ZNF277: variants seen among roughly 807,000 people sequenced by gnomAD.
ZNF277 encodes zinc finger protein 277.
Under a neutral mutation model 60.7 loss-of-function variants are expected in ZNF277, and 55 were observed. The observed-to-expected ratio is 0.91, with a 90% CI of 0.73 to 1.13. The LOEUF (loss-of-function observed/expected upper bound fraction) is 1.13, where lower values mean the gene tolerates loss of function less well. Among genes scored for constraint, ZNF277 ranks in the 50% most tolerant of loss-of-function variants. The pLI, the probability that ZNF277 is intolerant of heterozygous loss-of-function variation, is 0.00. For missense variants in ZNF277, 510 were observed against 523.0 expected, an observed-to-expected ratio of 0.98 and a Z score of 0.24; for synonymous variants, 178 against 179.3, an observed-to-expected ratio of 0.99 and a Z score of 0.06.
chr7:112,336,664 T>C (rs946702902), intron 8 of ZNF277, among the ~76,000 whole-genome samples: 7 of 152,328 alleles, frequency 4.6e-5, no homozygotes, highest in Admixed American at 2.0e-4. Context: ...TCATCTTCTT[T>C]TCAGTCAAAG....
chr7:112,323,724 G>C (rs1168210552), intron 5 of ZNF277, among the ~76,000 whole-genome samples: 1 of 152,100 alleles, frequency 6.6e-6, no homozygotes, highest in African/African-American at 2.4e-5. Context: ...AGTTGATTTC[G>C]ACCATTTTCA....
At chr7:112,208,448 C>A (rs1587072675) in intron 1 of ZNF277, among the ~76,000 whole-genome samples, 2 of 151,766 alleles carry the variant, frequency 1.3e-5, no homozygotes, top group South Asian at 2.1e-4. Flanking sequence ...TTAAATTTTA[C>A]AAGTTTAAAA....
chr7:112,227,712 T>C (rs535705048), intron 1 of ZNF277, among the ~76,000 whole-genome samples: 9 of 152,286 alleles, frequency 5.9e-5, no homozygotes, highest in African/African-American at 2.2e-4. Context: ...ATATATATAA[T>C]TTCTCTTGTA....
intron 1 of ZNF277, among the ~76,000 whole-genome samples, chr7:112,236,507 A>T (rs1790788823): frequency 6.6e-6 from 1 of 152,106 alleles, no homozygotes; most frequent in South Asian, 2.1e-4. Flanking sequence ...CCCTCCTTTC[A>T]TCTTATTATA....
intron 5 of ZNF277, among the ~76,000 whole-genome samples, chr7:112,322,625 T>G (rs551364201): frequency 6.6e-6 from 1 of 152,202 alleles, no homozygotes; most frequent in African/African-American, 2.4e-5. Flanking sequence ...ATAATTTCCT[T>G]TGATTCTTTA....
At chr7:112,249,553 T>C (rs1791156982) in intron 1 of ZNF277, among the ~76,000 whole-genome samples, 1 of 152,072 alleles carries the variant, frequency 6.6e-6, no homozygotes, top group Non-Finnish European at 1.5e-5. Flanking sequence ...ACCTGGATGA[T>C]GTGTTCAAGC....
intron 2 of ZNF277, chr7:112,288,622 G>A (rs939384253): frequency 9.2e-5 from 14 of 152,652 alleles, no homozygotes; most frequent in African/African-American, 2.7e-4. Flanking sequence ...AACAAAGTAT[G>A]GAATGTGAGG....
chr7:112,318,309 T>C, intron 5 of ZNF277, 36 bp downstream of exon 5: 2 of 1,563,454 alleles, frequency 1.3e-6, no homozygotes, highest in Non-Finnish European at 1.8e-6. Context: ...TTACTGTTTT[T>C]AATCTGAAAA....
intron 1 of ZNF277, among the ~76,000 whole-genome samples, chr7:112,208,199 A>ACCC (rs1365581941): frequency 6.6e-6 from 1 of 151,420 alleles, no homozygotes; most frequent in Non-Finnish European, 1.5e-5. Context: ...ATATGGTGAA[A>ACCC]CCCCGTCTCT....
intron 1 of ZNF277, among the ~76,000 whole-genome samples, chr7:112,217,237 C>T (rs1587082566): frequency 6.6e-6 from 1 of 152,124 alleles, no homozygotes; most frequent in African/African-American, 2.4e-5. Context: ...ACAGGTGGTA[C>T]TGGGCCTTGA....
chr7:112,277,077 A>AT (rs59902516), intron 1 of ZNF277, among the ~76,000 whole-genome samples: 2,511 of 104,368 alleles, frequency 0.024, 70 homozygotes, highest in Middle Eastern at 0.05. Context: ...GAATCTGTTG[A>AT]TTTTTTTTTT....
intron 3 of ZNF277, 128 bp from the exon 4 acceptor site, chr7:112,296,101 G>A: frequency 1.0e-6 from 1 of 999,456 alleles, no homozygotes. Context: ...CTTGAATAAA[G>A]CTAAAACAGT....
chr7:112,251,586 T>A (rs1791201125), intron 1 of ZNF277, among the ~76,000 whole-genome samples: 1 of 152,194 alleles, frequency 6.6e-6, no homozygotes, highest in Non-Finnish European at 1.5e-5. Flanking sequence ...TGGGGAAGGA[T>A]TCTAGATAGA....
intron 1 of ZNF277, among the ~76,000 whole-genome samples, chr7:112,221,548 T>G (rs1003273431): frequency 1.3e-5 from 2 of 152,194 alleles, no homozygotes; most frequent in Admixed American, 1.3e-4. Context: ...ATTTCTATTA[T>G]TATTAATATT....
intron 5 of ZNF277, among the ~76,000 whole-genome samples, chr7:112,326,974 T>C (rs1014550564): frequency 6.6e-6 from 1 of 152,228 alleles, no homozygotes; most frequent in African/African-American, 2.4e-5. Flanking sequence ...AATCAAGAAG[T>C]TGGTCATTGT....
intron 1 of ZNF277, among the ~76,000 whole-genome samples, chr7:112,224,578 AATCAGAT>A (rs1005220644): frequency 7.9e-5 from 12 of 152,212 alleles, no homozygotes; most frequent in Admixed American, 7.9e-4. Flanking sequence ...AGGCCAGGGT[AATCAGAT>A]ATCACCTGGG....
intron 4 of ZNF277, among the ~76,000 whole-genome samples, chr7:112,315,032 C>G (rs1476902335): frequency 2.0e-5 from 3 of 152,066 alleles, no homozygotes; most frequent in African/African-American, 7.2e-5. Context: ...GGGCATGCAT[C>G]AGATAAACAT....
chr7:112,318,345 G>T, intron 5 of ZNF277, 72 bp downstream of exon 5: 1 of 1,365,088 alleles, frequency 7.3e-7, no homozygotes, highest in Non-Finnish European at 1.0e-6. Context: ...CTAACTGTTG[G>T]TTATATAAAT....
intron 9 of ZNF277, among the ~76,000 whole-genome samples, chr7:112,339,451 T>A (rs1185918257): frequency 6.6e-6 from 1 of 152,182 alleles, no homozygotes; most frequent in African/African-American, 2.4e-5. Context: ...TCTGAGTAGC[T>A]GGGATTACAG....
Sources: allele counts gnomAD v4.1 joint callset (sites outside exome capture counted in the v4.1 genomes callset), GRCh38; gene constraint gnomAD v4.1.1; transcripts MANE v1.5; gene names NCBI Gene and HGNC (gene_info 2026-07-23, HGNC 2026-07-21).